The following TUSC3 variants were observed in gnomAD, a reference collection of about 807,000 sequenced individuals.
The protein encoded by TUSC3 is tumor suppressor candidate 3.
In TUSC3, 45 loss-of-function variants were observed where a neutral mutation model predicts 44.8. The ratio of observed to expected loss-of-function variants is 1.00; its 90% CI spans 0.79 to 1.29. The LOEUF is 1.29. Ranked by LOEUF, TUSC3 falls within the 50% of genes most tolerant of loss-of-function variation. TUSC3 has a pLI of 0.00. For missense variants in TUSC3, 519 were observed against 437.9 expected (o/e 1.19, Z -1.65); for synonymous variants, 212 against 152.9 (o/e 1.39, Z -2.85).
intron 6 of TUSC3, among the ~76,000 whole-genome samples, chr8:15,678,856 A>G (rs995300579): frequency 2.6e-5 from 4 of 152,128 alleles, no homozygotes; most frequent in African/African-American, 9.7e-5. Context: ...TTTAGCTCCC[A>G]CTTGTGAGAA....
chr8:15,803,067 T>C, the TUSC3 span, among the ~76,000 whole-genome samples: 1 of 152,184 alleles, frequency 6.6e-6, no homozygotes, highest in Non-Finnish European at 1.5e-5. Flanking sequence ...TCAGTGTTGA[T>C]GTTCACTCCT....
At chr8:15,624,013 G>A (rs1379439783) in intron 2 of TUSC3, among the ~76,000 whole-genome samples, 1 of 151,968 alleles carries the variant, frequency 6.6e-6, no homozygotes, top group Non-Finnish European at 1.5e-5. Context: ...TCACTAGTCT[G>A]TTCTCCATTT....
intron 8 of TUSC3, among the ~76,000 whole-genome samples, chr8:15,746,158 C>T (rs539224176): frequency 1.3e-5 from 2 of 151,918 alleles, no homozygotes; most frequent in South Asian, 2.1e-4. Flanking sequence ...TATTGTATAT[C>T]CTGTCTTAAG....
chr8:15,755,260 T>C (rs1256680361), intron 9 of TUSC3, among the ~76,000 whole-genome samples: 1 of 152,142 alleles, frequency 6.6e-6, no homozygotes, highest in Non-Finnish European at 1.5e-5. Context: ...TTGTCATATG[T>C]CGTTCAACTA....
intron 6 of TUSC3, among the ~76,000 whole-genome samples, chr8:15,685,413 A>T (rs1808589126): frequency 6.6e-6 from 1 of 151,252 alleles, no homozygotes; most frequent in African/African-American, 2.4e-5. Context: ...CTTTATTCAG[A>T]GTGTGATGGT....
intron 1 of TUSC3, 119 bp downstream of exon 1, chr8:15,540,687 G>C (rs993587490): frequency 4.4e-6 from 6 of 1,352,918 alleles, no homozygotes; most frequent in African/African-American, 1.5e-5. Flanking sequence ...CGATGCCGGC[G>C]CTGGGGCGGG....
the TUSC3 span, among the ~76,000 whole-genome samples, chr8:15,832,020 C>G: frequency 3.3e-5 from 5 of 152,094 alleles, no homozygotes; most frequent in Non-Finnish European, 7.4e-5. Flanking sequence ...AATGAAAAAA[C>G]AGTATGTTGA....
chr8:15,780,540 G>T, the TUSC3 span, among the ~76,000 whole-genome samples: 2 of 152,218 alleles, frequency 1.3e-5, no homozygotes, highest in Non-Finnish European at 2.9e-5. Context: ...AATATTCCCA[G>T]TTGTTCTGGA....
In TUSC3 at chr8:15,546,744, A is replaced by G. The variant is rs533222159; in HGVS notation, c.138+6176A>G. Among the ~76,000 whole-genome samples, 288 of 151,648 alleles carry G rather than the reference A, an allele frequency of 1.9e-3. 3 individuals carry two copies. The highest frequency in any genetic ancestry group is 6.7e-3 in the African/African-American group (279 of 41,508). ...GAGACAGGGTTTCTCCATGTTGGTC[A>G]GGCTGGTCTGTAACTCCCGACCTCA... On this transcript the variant is annotated intron_variant, in intron 1 of 10. Coordinates refer to ENST00000503731, the MANE Select transcript of TUSC3 (RefSeq NM_006765.4).
chr8:15,451,516 C>T (rs939797674), intron 1 of TUSC3, among the ~76,000 whole-genome samples: 1 of 152,188 alleles, frequency 6.6e-6, no homozygotes, highest in Non-Finnish European at 1.5e-5. Flanking sequence ...CTGCAGGTTG[C>T]TTAACACTTG....
rs752175662 is a variant in TUSC3 at position 15,659,567 on chromosome 8, G to T, written c.487G>T (p.Ala163Ser). 6.2e-7 allele frequency: 1 copy of T among 1,613,464 alleles called. No individual in the cohort carries two copies. Among genetic ancestry groups the T allele is most frequent in the Admixed American group, 1.7e-5 (1 of 60,006 alleles). Residue 163 changes from alanine to serine, a missense_variant, in exon 4 of 11, where the codon GCT becomes TCT. By Grantham distance (99) the Ala-to-Ser change is moderately conservative. Transcript: ENST00000503731. The part of the protein sequence containing the change: ...HFPPKGRPKR[A>S]DTFDLQRIGF... ...TCCTCCAAAAGGCAGACCTAAGAGA[G>T]CTGATACTTTTGACCTCCAAAGAAT... is the stretch of plus-strand genomic sequence containing the variant.
At chr8:15,702,310 CT>C (rs1334845027) in intron 6 of TUSC3, among the ~76,000 whole-genome samples, 1 of 152,172 alleles carries the variant, frequency 6.6e-6, no homozygotes, top group Non-Finnish European at 1.5e-5. Flanking sequence ...TGTTGAGCCA[CT>C]TCTTAAACAA....
At chr8:15,670,798 C>A (rs1345882122) in intron 5 of TUSC3, among the ~76,000 whole-genome samples, 1 of 151,768 alleles carries the variant, frequency 6.6e-6, no homozygotes, top group Admixed American at 6.6e-5. Flanking sequence ...GTATATTTAA[C>A]AAAGAACTGG....
intron 1 of TUSC3, among the ~76,000 whole-genome samples, chr8:15,450,765 A>T (rs1356650790): frequency 6.6e-6 from 1 of 152,204 alleles, no homozygotes; most frequent in African/African-American, 2.4e-5. Context: ...CAGAGATCTG[A>T]ATTGAATGTA....
At chr8:15,514,300 G>A (rs1037414960) in intron 2 of TUSC3, among the ~76,000 whole-genome samples, 3 of 152,166 alleles carry the variant, frequency 2.0e-5, no homozygotes, top group African/African-American at 4.8e-5. Flanking sequence ...ATAGAATTTA[G>A]ATTTGTGGTA....
intron 2 of TUSC3, among the ~76,000 whole-genome samples, chr8:15,638,995 G>A (rs1021591608): frequency 6.9e-6 from 1 of 145,616 alleles, no homozygotes; most frequent in African/African-American, 2.7e-5. Flanking sequence ...GATGTTCAAG[G>A]CTTCAGTGAT....
the TUSC3 span, among the ~76,000 whole-genome samples, chr8:15,796,467 T>C: frequency 6.6e-6 from 1 of 152,202 alleles, no homozygotes. Flanking sequence ...AGGACTATAC[T>C]GGCCAGATCA....
At chr8:15,498,368 A>G (rs1339474112) in intron 2 of TUSC3, among the ~76,000 whole-genome samples, 2 of 152,160 alleles carry the variant, frequency 1.3e-5, no homozygotes, top group Non-Finnish European at 2.9e-5. Context: ...AGTGAAAATA[A>G]GAGAGAAGGT....
At chr8:15,641,391 T>C (rs796273623) in intron 2 of TUSC3, among the ~76,000 whole-genome samples, 31 of 148,506 alleles carry the variant, frequency 2.1e-4, no homozygotes, top group African/African-American at 7.4e-4. Context: ...AAAAGTTGCA[T>C]TGAGAAGAAG....
Sources: allele counts gnomAD v4.1 joint callset (sites outside exome capture counted in the v4.1 genomes callset), GRCh38; gene constraint gnomAD v4.1.1; transcripts MANE v1.5; gene names NCBI Gene and HGNC (gene_info 2026-07-23, HGNC 2026-07-21).